The following BANF2 variants were observed in gnomAD, a reference collection of about 807,000 sequenced individuals.
BANF2 encodes the protein barrier-to-autointegration factor-like protein.
Under a neutral mutation model 8.0 loss-of-function variants are expected in BANF2, and 4 were observed. The observed-to-expected ratio is 0.50, with a 90% confidence interval of 0.25 to 1.14. BANF2 has a LOEUF of 1.14. Among genes scored for constraint, BANF2 ranks in the 50% most tolerant of loss-of-function variants. The pLI is 0.16. For synonymous variants in BANF2, 50 were observed against 40.6 expected (o/e 1.23, Z -0.88); for missense variants, 96 against 107.5 (o/e 0.89, Z 0.47).
chr20:17,723,181 T>C (rs537003394), intron 2 of BANF2, among the ~76,000 whole-genome samples: 2 of 152,316 alleles, frequency 1.3e-5, no homozygotes, highest in African/African-American at 4.8e-5. Context: ...CTGCAGCCCA[T>C]GGGCTTTGAG....
intron 1 of BANF2, among the ~76,000 whole-genome samples, chr20:17,706,467 G>A (rs527328341): frequency 1.6e-4 from 24 of 152,302 alleles, no homozygotes; most frequent in African/African-American, 5.3e-4. Flanking sequence ...TCTTCGCCAA[G>A]TATATGATCT....
intron 1 of BANF2, among the ~76,000 whole-genome samples, chr20:17,704,498 T>G (rs1327943510): frequency 1.3e-4 from 20 of 152,198 alleles, no homozygotes; most frequent in Admixed American, 1.3e-3. Context: ...TGGACAGCAC[T>G]TCTTTGGGTT....
At chr20:17,699,174 A>T (rs1318068141), upstream of BANF2, among the ~76,000 whole-genome samples, 1 of 152,224 alleles carries the variant, frequency 6.6e-6, no homozygotes, top group African/African-American at 2.4e-5. Flanking sequence ...GCCACCCAAC[A>T]GTTTCCAAAG....
chr20:17,729,293 C>T (rs975674034), intron 3 of BANF2, among the ~76,000 whole-genome samples: 4 of 152,222 alleles, frequency 2.6e-5, no homozygotes, highest in Non-Finnish European at 5.9e-5. Flanking sequence ...AACTTGGAGC[C>T]TCTCTTGAAA....
chr20:17,735,747 C>A lies in BANF2; in HGVS notation c.209C>A (p.Ala70Asp). The change falls in exon 4 of 4, where the codon GCC (alanine) becomes GAC (aspartate). Residue 70 changes from alanine to aspartate, a missense_variant. Coordinates refer to ENST00000246090, the MANE Select transcript of BANF2 (RefSeq NM_178477.5). The stretch of plus-strand genomic sequence containing the variant: ...AGGTGGCTCATTTGCTGTTTTGGTG[C>A]CACTGAGTGTGAGGCCCAGCAGACT... Reference protein sequence around the residue: ...FQRWLICCFGATECEAQQTSH... With the variant: ...FQRWLICCFGDTECEAQQTSH... The A allele has an allele frequency of 1.2e-6, 2 of 1,613,908 alleles. No homozygotes were observed. The highest frequency in any genetic ancestry group is 1.7e-5 in the Admixed American group (1 of 60,010).
chr20:17,695,650 C>G (rs994521395), upstream of BANF2, among the ~76,000 whole-genome samples: 1 of 151,998 alleles, frequency 6.6e-6, no homozygotes, highest in African/African-American at 2.4e-5. Context: ...ACACACCACA[C>G]ATACATATAT....
Position 17,725,120 on chromosome 20 carries a change from C to A in BANF2, c.95C>A (p.Ala32Glu). 6.2e-7 allele frequency: 1 copy of A among 1,613,030 alleles called. No homozygotes were observed. Among genetic ancestry groups the A allele is most frequent in the South Asian group, 1.1e-5 (1 of 91,068 alleles). Residue 32 changes from alanine to glutamate, a missense_variant, in exon 3 of 4, where the codon GCG (alanine) becomes GAG (glutamate). Coordinates refer to ENST00000246090, the MANE Select transcript of BANF2 (RefSeq NM_178477.5). ...GTGGATGGCATCAGCCATGAGCTCG[C>A]GATCAATTTGGTCACCAAAGGTATC... ...CWVDGISHEL[A>E]INLVTKGINK... is the part of the protein sequence containing the mutation.
intron 1 of BANF2, chr20:17,693,756 G>A (rs1349970001): frequency 1.2e-5 from 19 of 1,545,066 alleles, no homozygotes; most frequent in African/African-American, 8.2e-5. Context: ...AAGAGACGGC[G>A]GGGAAAGGAG....
chr20:17,709,430 A>G (rs2037535336), intron 1 of BANF2, among the ~76,000 whole-genome samples: 1 of 152,230 alleles, frequency 6.6e-6, no homozygotes, highest in Non-Finnish European at 1.5e-5. Flanking sequence ...CATTCTGTCC[A>G]GCAAAGAACA....
At chr20:17,707,939 T>C (rs1179460620) in intron 1 of BANF2, among the ~76,000 whole-genome samples, 1 of 150,124 alleles carries the variant, frequency 6.7e-6, no homozygotes, top group African/African-American at 2.4e-5. Context: ...CGGTGTCTCA[T>C]GCCTGTAATC....
Position 17,700,059 on chromosome 20 carries a change from A to T in BANF2, c.-167+4A>T. On this transcript the variant is annotated splice_donor_region_variant and intron_variant, in intron 1 of 3. Coordinates refer to ENST00000246090, the MANE Select transcript of BANF2 (RefSeq NM_178477.5). ...ACTGGCTTATCAGGAGCACCTGGTG[A>T]GTATTCAGAACTTTCCCAAGCAGCA... The T allele has an allele frequency of 2.1e-6, 2 of 961,330 alleles. No individual in the cohort carries two copies. Among genetic ancestry groups the T allele is most frequent in the Non-Finnish European group, 2.5e-6 (2 of 807,918 alleles). 59.6% of individuals were successfully genotyped at this position (961,330 alleles called of 1,614,324 possible). A position where few individuals can be genotyped will look rare whatever the true frequency, so the allele number is the denominator to read the frequency against.
chr20:17,701,834 C>A (rs535270693), intron 1 of BANF2, among the ~76,000 whole-genome samples: 9 of 152,322 alleles, frequency 5.9e-5, no homozygotes, highest in African/African-American at 1.9e-4. Flanking sequence ...CAGAGTTAAC[C>A]TGTGTTGACT....
chr20:17,730,840 G>A (rs755336730), intron 3 of BANF2, among the ~76,000 whole-genome samples: 3 of 152,222 alleles, frequency 2.0e-5, no homozygotes, highest in South Asian at 2.1e-4. Flanking sequence ...GGCCCGTCAC[G>A]TAAGTTTGGG....
At chr20:17,701,174 A>G (rs1415803078) in intron 1 of BANF2, among the ~76,000 whole-genome samples, 3 of 152,236 alleles carry the variant, frequency 2.0e-5, no homozygotes, top group African/African-American at 7.2e-5. Context: ...AGAACATTTT[A>G]GCCTATGTTA....
intron 1 of BANF2, among the ~76,000 whole-genome samples, chr20:17,721,548 C>G (rs535412143): frequency 6.6e-6 from 1 of 152,068 alleles, no homozygotes; most frequent in African/African-American, 2.4e-5. Context: ...CACACCACTA[C>G]GCCTGGCTAA....
At chr20:17,711,020 T>C (rs2037562952) in intron 1 of BANF2, among the ~76,000 whole-genome samples, 1 of 152,232 alleles carries the variant, frequency 6.6e-6, no homozygotes, top group Non-Finnish European at 1.5e-5. Context: ...GCCCCTTCTG[T>C]ATAAGTACAG....
intron 1 of BANF2, among the ~76,000 whole-genome samples, chr20:17,722,422 C>T (rs749732461): frequency 7.9e-5 from 12 of 152,218 alleles, no homozygotes; most frequent in Non-Finnish European, 1.3e-4. Flanking sequence ...GCTCATGAGA[C>T]TTTCAGGCTT....
rs139629346 is a variant in BANF2, at chr20:17,712,608, GGT to G, written c.-166-10107_-166-10106del. 1,446 of 892,562 alleles carry G rather than the reference GGT, an allele frequency of 1.6e-3. 14 individuals carry two copies. The East Asian group carries it at 0.035, about 22-fold the overall frequency. 55.3% of individuals were successfully genotyped at this position (892,562 alleles called of 1,614,324 possible). A position where few individuals can be genotyped will look rare whatever the true frequency, so the allele number is the denominator to read the frequency against. On this transcript the variant is annotated intron_variant, in intron 1 of 3. Coordinates refer to ENST00000246090, the MANE Select transcript of BANF2 (RefSeq NM_178477.5). ...TTTTCTCTTCCACCTTCCCTGGGAG[GGT>G]AGTGCGGATAATGAGGTGAGCCTTC...
At chr20:17,695,619 T>TGA (rs1413982494), upstream of BANF2, among the ~76,000 whole-genome samples, 9 of 152,030 alleles carry the variant, frequency 5.9e-5, no homozygotes, top group African/African-American at 2.2e-4. Flanking sequence ...TGTGTGTGTG[T>TGA]GTATTACACA....
Sources: allele counts gnomAD v4.1 joint callset (sites outside exome capture counted in the v4.1 genomes callset), GRCh38; gene constraint gnomAD v4.1.1; transcripts MANE v1.5; gene names NCBI Gene and HGNC (gene_info 2026-07-23, HGNC 2026-07-21).